The following TTLL7 variants were observed in gnomAD, a reference collection of about 807,000 sequenced individuals.
TTLL7 encodes tubulin polyglutamylase TTLL7.
In TTLL7, 53 loss-of-function variants were observed where a neutral mutation model predicts 120.2. The observed-to-expected ratio is 0.44, with a 90% CI of 0.35 to 0.55. The LOEUF (loss-of-function observed/expected upper bound fraction) is 0.55. Among genes scored for constraint, TTLL7 ranks in the 20% least tolerant of loss-of-function variants. TTLL7 has a pLI of 0.00. For missense variants in TTLL7, 803 were observed against 1,054.7 expected (o/e 0.76, Z 3.31); for synonymous variants, 353 against 351.7 (o/e 1.00, Z -0.04).
chr1:83,876,921 G>A (rs916084976), intron 20 of TTLL7, among the ~76,000 whole-genome samples: 2 of 151,980 alleles, frequency 1.3e-5, no homozygotes, highest in East Asian at 3.9e-4. Flanking sequence ...AACTAGCTAA[G>A]ACCGCTAATA....
chr1:83,869,701 G>C lies in TTLL7; in HGVS notation c.*261C>G. Reference sequence around the variant, plus strand: ...GCAGATTCTAGACATTCACATATTTGTGTAAACAATTTTAACATGGTTTAT... The same window carrying C: ...GCAGATTCTAGACATTCACATATTTCTGTAAACAATTTTAACATGGTTTAT... On this transcript the variant is annotated 3_prime_UTR_variant, in exon 21 of 21. Transcript: ENST00000260505. The C allele has an allele frequency of 4.8e-6, 1 of 209,624 alleles. No homozygotes were observed. Among genetic ancestry groups the C allele is most frequent in the Non-Finnish European group, 9.3e-6 (1 of 107,238 alleles). The allele number at this position is 209,624 out of a possible 1,614,324, so 13.0% of individuals were successfully genotyped here.
intron 7 of TTLL7, among the ~76,000 whole-genome samples, chr1:83,941,092 T>A (rs951642653): frequency 6.6e-6 from 1 of 152,128 alleles, no homozygotes; most frequent in East Asian, 1.9e-4. Flanking sequence ...TGGAGCTCCA[T>A]CCAACACTAC....
intron 20 of TTLL7, among the ~76,000 whole-genome samples, chr1:83,872,554 C>G (rs1243044685): frequency 2.0e-5 from 3 of 152,174 alleles, no homozygotes; most frequent in Admixed American, 2.0e-4. Context: ...AAAATACATT[C>G]TGATTGTACT....
intron 7 of TTLL7, 32 bp from the exon 8 acceptor site, chr1:83,938,048 C>A (rs989505426): frequency 1.2e-6 from 2 of 1,606,062 alleles, no homozygotes; most frequent in Admixed American, 1.7e-5. Flanking sequence ...GTTGTTACCA[C>A]CTATGACATC....
At chr1:83,966,826 C>A (rs899225468) in intron 1 of TTLL7, among the ~76,000 whole-genome samples, 1 of 151,978 alleles carries the variant, frequency 6.6e-6, no homozygotes, top group African/African-American at 2.4e-5. Context: ...TCAAAATTTG[C>A]AGAATCCATG....
At chr1:83,923,949 T>C (rs1191700624) in intron 10 of TTLL7, among the ~76,000 whole-genome samples, 2 of 152,192 alleles carry the variant, frequency 1.3e-5, no homozygotes, top group Non-Finnish European at 2.9e-5. Context: ...TCACGTGCTG[T>C]ATACTCCAGG....
intron 18 of TTLL7, among the ~76,000 whole-genome samples, chr1:83,902,753 A>G (rs1214837536): frequency 1.3e-5 from 2 of 151,926 alleles, no homozygotes; most frequent in African/African-American, 4.8e-5. Context: ...TTTGTTCACC[A>G]TACACAATCT....
At chr1:83,957,096 T>C (rs982754754) in intron 1 of TTLL7, among the ~76,000 whole-genome samples, 1 of 152,192 alleles carries the variant, frequency 6.6e-6, no homozygotes, top group African/African-American at 2.4e-5. Context: ...TATCCTTTAA[T>C]TTTCCACTTA....
intron 1 of TTLL7, among the ~76,000 whole-genome samples, chr1:83,959,502 T>C (rs990178583): frequency 5.3e-5 from 8 of 152,136 alleles, no homozygotes; most frequent in African/African-American, 1.9e-4. Flanking sequence ...AAGAAGAAGT[T>C]TGCTACAAAA....
intron 10 of TTLL7, among the ~76,000 whole-genome samples, chr1:83,924,355 C>T (rs576885179): frequency 3.4e-4 from 51 of 152,146 alleles, no homozygotes; most frequent in African/African-American, 1.0e-3. Flanking sequence ...ATGTGGTATT[C>T]GTATACATAC....
intron 2 of TTLL7, 48 bp downstream of exon 2, chr1:83,952,139 T>C (rs773336571): frequency 1.9e-6 from 3 of 1,562,134 alleles, no homozygotes; most frequent in African/African-American, 2.7e-5. Flanking sequence ...ACAGTAATGA[T>C]GTATAACACC....
At chr1:83,950,194 A>G (rs957412602) in intron 3 of TTLL7, among the ~76,000 whole-genome samples, 13 of 152,270 alleles carry the variant, frequency 8.5e-5, no homozygotes, top group African/African-American at 2.9e-4. Flanking sequence ...GTTGCACCCA[A>G]AAATCCTTCC....
At position 83,890,318 on chromosome 1, in the gene TTLL7, T is replaced by C. The variant is rs748486982; in HGVS notation, c.2369+3A>G. ...CGATAATAAAAGATGACTTAGAGCT[T>C]ACCCTGAATCACAGAAACAGTTCCA... is the stretch of plus-strand genomic sequence containing the variant. On this transcript the variant is annotated splice_donor_region_variant and intron_variant, in intron 19 of 20. Coordinates refer to ENST00000260505, the MANE Select transcript of TTLL7 (RefSeq NM_024686.6). 6 of 1,609,198 alleles carry C rather than the reference T, an allele frequency of 3.7e-6. No homozygotes were observed. Among genetic ancestry groups the C allele is most frequent in the East Asian group, 4.5e-5 (2 of 44,792 alleles).
At chr1:83,987,857 A>G (rs1286455649) in intron 1 of TTLL7, among the ~76,000 whole-genome samples, 1 of 151,868 alleles carries the variant, frequency 6.6e-6, no homozygotes, top group Non-Finnish European at 1.5e-5. Context: ...AAATCAAATA[A>G]CCCTATTTGT....
At chr1:83,932,524 A>G (rs1412023442) in intron 9 of TTLL7, among the ~76,000 whole-genome samples, 2 of 152,052 alleles carry the variant, frequency 1.3e-5, no homozygotes, top group African/African-American at 4.8e-5. Flanking sequence ...TGGAGACACA[A>G]TACATGTTAC....
chr1:83,876,844 C>T (rs545857099), intron 20 of TTLL7, among the ~76,000 whole-genome samples: 2 of 152,070 alleles, frequency 1.3e-5, no homozygotes, highest in South Asian at 2.1e-4. Flanking sequence ...TGAATACAAT[C>T]ATATCCACTT....
At chr1:83,917,769 T>C in intron 13 of TTLL7, 79 bp from the exon 14 acceptor site, 7 of 890,860 alleles carry the variant, frequency 7.9e-6, no homozygotes, top group Non-Finnish European at 1.2e-5. Flanking sequence ...CTCCACAAAA[T>C]AATGCAGAGC....
chr1:83,934,484 G>C (rs1035778794), intron 8 of TTLL7, among the ~76,000 whole-genome samples: 1 of 152,168 alleles, frequency 6.6e-6, no homozygotes, highest in Non-Finnish European at 1.5e-5. Flanking sequence ...TTTATTCAGT[G>C]ATGATTTTGT....
At chr1:83,870,151 G>A (rs780525890) in intron 20 of TTLL7, 69 bp from the exon 21 acceptor site, 38 of 1,405,866 alleles carry the variant, frequency 2.7e-5, no homozygotes, top group Non-Finnish European at 3.6e-5. Context: ...AGGGTTATGT[G>A]GTTAGCAATT....
Sources: gnomAD v4.1 joint callset for allele counts (sites outside exome capture counted in the v4.1 genomes callset) on GRCh38, gnomAD v4.1.1 for gene constraint, MANE v1.5 for transcripts, NCBI Gene and HGNC (gene_info 2026-07-23, HGNC 2026-07-21) for gene names.